The following OR4N2 variants were observed in gnomAD, a reference collection of about 807,000 sequenced individuals.
OR4N2 encodes olfactory receptor family 4 subfamily N member 2.
For synonymous variants in OR4N2, 141 were observed against 140.4 expected, an observed-to-expected ratio of 1.00 and a Z score of -0.03; for missense variants, 307 against 377.6, an observed-to-expected ratio of 0.81 and a Z score of 1.55.
chr14:19,806,460 A>C (rs1447973496), intron 1 of OR4N2, among the ~76,000 whole-genome samples: 3 of 152,132 alleles, frequency 2.0e-5, no homozygotes, highest in Non-Finnish European at 4.4e-5. Context: ...AGCCAACAAC[A>C]ATTACCAAGG....
intron 1 of OR4N2, chr14:19,822,220 A>T (rs1479540846): frequency 6.6e-6 from 1 of 150,652 alleles, no homozygotes; most frequent in Non-Finnish European, 1.5e-5. Context: ...TTACTGGCAA[A>T]CAAAACCTTT....
chr14:19,828,104 C>G lies in OR4N2; in HGVS notation c.656C>G (p.Ala219Gly), dbSNP rs139116974. 4.6e-4 allele frequency: 738 copies of G among 1,614,168 alleles called. 2 individuals are homozygous for G. The African/African-American group carries it at 8.8e-3, about 19-fold the overall frequency. The stretch of plus-strand genomic sequence containing the variant: ...TTTCTGGGGCTTCTGGCCTCCTATG[C>G]AGTCATTCTTTGTCGCATACGAGGG... Reference protein sequence around the residue: ...LCFLGLLASYAVILCRIRGSS... With the variant: ...LCFLGLLASYGVILCRIRGSS... The change falls in exon 2 of 2, where the codon GCA (alanine) becomes GGA (glycine). Residue 219 changes from alanine (A) to glycine (G), a missense_variant. Ala to Gly is a moderately conservative substitution (Grantham distance 60). Coordinates refer to ENST00000557677, the MANE Select transcript of OR4N2 (RefSeq NM_001004723.3).
chr14:19,812,630 T>G (rs1445230000), intron 1 of OR4N2, among the ~76,000 whole-genome samples: 1 of 152,246 alleles, frequency 6.6e-6, no homozygotes. Context: ...AGTGCTGGGA[T>G]GACAGGCGTG....
At chr14:19,820,819 G>C (rs1313796553) in intron 1 of OR4N2, among the ~76,000 whole-genome samples, 1 of 152,250 alleles carries the variant, frequency 6.6e-6, no homozygotes, top group African/African-American at 2.4e-5. Context: ...TCAGAGTGCT[G>C]TGCTGGCAGC....
chr14:19,817,425 T>C (rs1291790738), intron 1 of OR4N2, among the ~76,000 whole-genome samples: 1 of 152,170 alleles, frequency 6.6e-6, no homozygotes, highest in African/African-American at 2.4e-5. Context: ...CTTGGGAGGG[T>C]GTATGTGCCC....
At chr14:19,818,892 G>C (rs1293498220) in intron 1 of OR4N2, among the ~76,000 whole-genome samples, 7 of 152,220 alleles carry the variant, frequency 4.6e-5, no homozygotes, top group Non-Finnish European at 1.0e-4. Context: ...ACAAAAATCT[G>C]TTAGTATTTT....
At chr14:19,824,105 G>A (rs535365765) in intron 1 of OR4N2, among the ~76,000 whole-genome samples, 52 of 152,360 alleles carry the variant, frequency 3.4e-4, no homozygotes, top group African/African-American at 1.2e-3. Context: ...ACAGTGAGGA[G>A]GGTATGGTAC....
chr14:19,827,609 G>A lies in OR4N2; in HGVS notation c.161G>A (p.Gly54Glu), dbSNP rs775917931. 3.7e-6 allele frequency: 6 copies of A among 1,614,006 alleles called. No homozygotes were observed. Among genetic ancestry groups the A allele is most frequent in the East Asian group, 4.5e-5 (2 of 44,876 alleles). Residue 54 changes from glycine to glutamate, a missense_variant, in exon 2 of 2, where the codon GGG (glycine) becomes GAG (glutamate). Coordinates refer to ENST00000557677, the MANE Select transcript of OR4N2 (RefSeq NM_001004723.3). ...ATTTTCACCATAAAGTCAGACCCTG[G>A]GCTCACAGCCCCCCTCTATTTCTTT... is the stretch of plus-strand genomic sequence containing the variant. Reference protein sequence around the residue: ...LIIFTIKSDPGLTAPLYFFLG... With the variant: ...LIIFTIKSDPELTAPLYFFLG...
At chr14:19,808,823 GA>G (rs35794180) in intron 1 of OR4N2, among the ~76,000 whole-genome samples, 9,174 of 148,914 alleles carry the variant, frequency 0.062, 58 homozygotes, top group East Asian at 0.18. Flanking sequence ...CAGAAATATT[GA>G]AAAAAAAAAG....
rs191088732 is a variant in OR4N2, at chr14:19,814,721, T to G, written c.-10+10877T>G. On this transcript the variant is annotated intron_variant, in intron 1 of 1. Coordinates refer to ENST00000557677, the MANE Select transcript of OR4N2 (RefSeq NM_001004723.3). ...AGTTCTGGGATACATGTGTAGAATA[T>G]GCAGGTTTGTTACATAGGTAAATAT... Among the ~76,000 whole-genome samples the G allele has an allele frequency of 2.8e-3, 433 of 152,346 alleles. 1 individual carries two copies. Among genetic ancestry groups the G allele is most frequent in the African/African-American group, 9.9e-3 (412 of 41,554 alleles).
chr14:19,828,298 C>T lies in OR4N2; in HGVS notation c.850C>T (p.Pro284Ser), dbSNP rs758817736. The change falls in exon 2 of 2, where the codon CCT becomes TCT. Residue 284 changes from proline (P) to serine (S), a missense_variant. Transcript: ENST00000557677. ...FHTVIFPLLNPVIYTLRNQEV... is the reference protein window; with the variant it reads ...FHTVIFPLLNSVIYTLRNQEV... ...CACAGTGATTTTTCCTTTGTTGAATCCTGTCATTTATACCCTTCGCAACCA... is the reference window on the plus strand; with the variant it reads ...CACAGTGATTTTTCCTTTGTTGAATTCTGTCATTTATACCCTTCGCAACCA... 4.3e-6 allele frequency: 7 copies of T among 1,614,026 alleles called. No individual in the cohort carries two copies. Among genetic ancestry groups the T allele is most frequent in the Middle Eastern group, 1.6e-4 (1 of 6,084 alleles).
chr14:19,828,102 T>G lies in OR4N2; in HGVS notation c.654T>G (p.Tyr218Ter). Residue 218 changes from tyrosine to a stop codon, truncating the protein, a stop_gained, in exon 2 of 2, where the codon TAT becomes TAG. Coordinates refer to ENST00000557677, the MANE Select transcript of OR4N2 (RefSeq NM_001004723.3). LOFTEE classifies it low-confidence loss of function (END_TRUNC). ...GCTTTCTGGGGCTTCTGGCCTCCTA[T>G]GCAGTCATTCTTTGTCGCATACGAG... ...LLCFLGLLAS[Y>*]AVILCRIRGS... The G allele has an allele frequency of 1.2e-6, 2 of 1,614,266 alleles. No homozygotes were observed. The highest frequency in any genetic ancestry group is 1.7e-6 in the Non-Finnish European group (2 of 1,180,044).
chr14:19,822,551 A>G (rs1879593286), intron 1 of OR4N2: 1 of 152,278 alleles, frequency 6.6e-6, no homozygotes, highest in African/African-American at 2.4e-5. Context: ...ACAAACCACT[A>G]GCTGTACTGG....
At chr14:19,825,295 A>G (rs1879665533) in intron 1 of OR4N2, among the ~76,000 whole-genome samples, 1 of 152,258 alleles carries the variant, frequency 6.6e-6, no homozygotes, top group Non-Finnish European at 1.5e-5. Flanking sequence ...CTAGGGATAC[A>G]TAAAGCAGAT....
intron 1 of OR4N2, among the ~76,000 whole-genome samples, chr14:19,812,319 C>CT (rs1879318650): frequency 9.3e-6 from 1 of 107,508 alleles, no homozygotes. Flanking sequence ...TTTTTCTTTT[C>CT]TTTTCTTTTC....
intron 1 of OR4N2, among the ~76,000 whole-genome samples, chr14:19,804,742 G>A (rs868653405): frequency 1.4e-4 from 22 of 152,278 alleles, no homozygotes; most frequent in East Asian, 3.9e-4. Context: ...GCTCAGTCCC[G>A]AATCTCTTTG....
chr14:19,818,193 T>A (rs1444083307), intron 1 of OR4N2, among the ~76,000 whole-genome samples: 1 of 152,242 alleles, frequency 6.6e-6, no homozygotes, highest in African/African-American at 2.4e-5. Context: ...TTTGTAGATG[T>A]CTATTAGGTC....
chr14:19,826,343 G>A (rs1228577888), intron 1 of OR4N2, among the ~76,000 whole-genome samples: 2 of 152,188 alleles, frequency 1.3e-5, no homozygotes, highest in African/African-American at 4.8e-5. Context: ...ATTATTTTTA[G>A]TTATCCAAAT....
At chr14:19,813,579 A>G (rs1416876153) in intron 1 of OR4N2, among the ~76,000 whole-genome samples, 1 of 152,270 alleles carries the variant, frequency 6.6e-6, no homozygotes, top group Non-Finnish European at 1.5e-5. Context: ...TATTAGCCAC[A>G]TAGGTCATGG....
Sources: allele counts gnomAD v4.1 joint callset (sites outside exome capture counted in the v4.1 genomes callset), GRCh38; gene constraint gnomAD v4.1.1; transcripts MANE v1.5; gene names NCBI Gene and HGNC (gene_info 2026-07-23, HGNC 2026-07-21).